ROBO1: variants seen among roughly 807,000 people sequenced by gnomAD.
The protein encoded by ROBO1 is roundabout guidance receptor 1.
A neutral mutation model predicts 195.9 loss-of-function variants in ROBO1; 149 were observed. That is an observed-to-expected ratio of 0.76 (90% CI 0.67 to 0.87). The LOEUF (loss-of-function observed/expected upper bound fraction) is 0.87, where lower values mean the gene tolerates loss of function less well. Among genes scored for constraint, ROBO1 ranks in the 40% least tolerant of loss-of-function variants. The pLI is 0.00. For synonymous variants in ROBO1, 816 were observed against 733.2 expected (o/e 1.11, Z -1.82); for missense variants, 1,933 against 2,068.3 (o/e 0.93, Z 1.27).
At chr3:79,526,737 C>A (rs557428064) in intron 2 of ROBO1, among the ~76,000 whole-genome samples, 1 of 152,200 alleles carries the variant, frequency 6.6e-6, no homozygotes, top group African/African-American at 2.4e-5. Context: ...AGTGACTTAG[C>A]TTTTTCGACT....
chr3:78,898,336 G>A (rs1009033851), intron 4 of ROBO1, among the ~76,000 whole-genome samples: 1 of 146,894 alleles, frequency 6.8e-6, no homozygotes, highest in Admixed American at 6.8e-5. Context: ...TATATATAGA[G>A]AGAGAGACAG....
chr3:79,556,509 G>A (rs1382499940), intron 2 of ROBO1, among the ~76,000 whole-genome samples: 1 of 152,012 alleles, frequency 6.6e-6, no homozygotes, highest in Non-Finnish European at 1.5e-5. Flanking sequence ...GCATAAAATT[G>A]TATGTAACCT....
At chr3:79,301,494 A>C (rs2032954653) in intron 2 of ROBO1, among the ~76,000 whole-genome samples, 1 of 152,208 alleles carries the variant, frequency 6.6e-6, no homozygotes, top group Non-Finnish European at 1.5e-5. Context: ...TAACAATTTG[A>C]AATTCTAGGT....
intron 3 of ROBO1, among the ~76,000 whole-genome samples, chr3:79,065,834 A>G (rs2078994572): frequency 6.6e-6 from 1 of 152,028 alleles, no homozygotes; most frequent in Non-Finnish European, 1.5e-5. Context: ...AAACTAAAAC[A>G]CAGCAAAATT....
chr3:79,129,912 T>G (rs1576713256), intron 2 of ROBO1, among the ~76,000 whole-genome samples: 3 of 140,212 alleles, frequency 2.1e-5, no homozygotes, highest in South Asian at 2.5e-4. Context: ...TAGCCAGTTT[T>G]CCCAGCACCA....
chr3:79,721,337 G>C (rs12493800), intron 1 of ROBO1, among the ~76,000 whole-genome samples: 1 of 151,664 alleles, frequency 6.6e-6, no homozygotes, highest in South Asian at 2.1e-4. Flanking sequence ...AACTTTGATG[G>C]AAACTATGAG....
At chr3:78,836,881 G>A (rs1349312300) in intron 4 of ROBO1, among the ~76,000 whole-genome samples, 1 of 152,060 alleles carries the variant, frequency 6.6e-6, no homozygotes. Flanking sequence ...TAAAAGAAAG[G>A]GGAAGCACAG....
chr3:79,675,888 C>T (rs1285188848), intron 1 of ROBO1, among the ~76,000 whole-genome samples: 3 of 152,042 alleles, frequency 2.0e-5, no homozygotes, highest in African/African-American at 7.2e-5. Context: ...CAGTTAATTT[C>T]CAGCAGATCA....
intron 3 of ROBO1, among the ~76,000 whole-genome samples, chr3:79,034,419 C>A (rs1446991550): frequency 6.6e-6 from 1 of 151,904 alleles, no homozygotes; most frequent in Non-Finnish European, 1.5e-5. Context: ...TTTTTATGAC[C>A]CTTTGTAGTC....
At chr3:78,957,659 T>C (rs945625552) in intron 3 of ROBO1, among the ~76,000 whole-genome samples, 3 of 152,188 alleles carry the variant, frequency 2.0e-5, no homozygotes, top group African/African-American at 7.2e-5. Context: ...TGCTCAGTCA[T>C]GCCCTGTGTG....
At chr3:78,913,751 C>A (rs2038393976) in intron 4 of ROBO1, among the ~76,000 whole-genome samples, 2 of 151,914 alleles carry the variant, frequency 1.3e-5, no homozygotes, top group South Asian at 2.1e-4. Context: ...TAAAGAGAAG[C>A]AAGTAGAGAT....
intron 4 of ROBO1, among the ~76,000 whole-genome samples, chr3:78,823,541 G>A (rs2031252375): frequency 6.6e-6 from 1 of 152,162 alleles, no homozygotes; most frequent in African/African-American, 2.4e-5. Context: ...ATATACGTGT[G>A]GCGGAAAGCA....
At chr3:79,281,372 A>G (rs970310730) in intron 2 of ROBO1, among the ~76,000 whole-genome samples, 1 of 152,172 alleles carries the variant, frequency 6.6e-6, no homozygotes, top group East Asian at 1.9e-4. Context: ...TGTGCAGGTT[A>G]GTCACATATG....
At chr3:78,881,486 A>G (rs1189657256) in intron 4 of ROBO1, among the ~76,000 whole-genome samples, 1 of 152,232 alleles carries the variant, frequency 6.6e-6, no homozygotes. Flanking sequence ...AACAGCAACA[A>G]TTAAAAGCAT....
At chr3:79,743,361 G>A (rs1438707279) in intron 1 of ROBO1, among the ~76,000 whole-genome samples, 1 of 152,144 alleles carries the variant, frequency 6.6e-6, no homozygotes, top group Non-Finnish European at 1.5e-5. Flanking sequence ...GTAAAAACAT[G>A]TTATACATTT....
At chr3:78,891,073 G>A (rs1329455427) in intron 4 of ROBO1, among the ~76,000 whole-genome samples, 1 of 152,104 alleles carries the variant, frequency 6.6e-6, no homozygotes, top group Non-Finnish European at 1.5e-5. Context: ...AAGAATGTTA[G>A]GAGAAAACAA....
intron 4 of ROBO1, among the ~76,000 whole-genome samples, chr3:78,774,042 C>T (rs148976200): frequency 6.6e-6 from 1 of 152,298 alleles, no homozygotes; most frequent in African/African-American, 2.4e-5. Context: ...CCTTTTCTTA[C>T]TCATTTTCTA....
intron 20 of ROBO1, among the ~76,000 whole-genome samples, chr3:78,647,409 G>C (rs1283924684): frequency 6.6e-6 from 1 of 152,048 alleles, no homozygotes; most frequent in Non-Finnish European, 1.5e-5. Flanking sequence ...CCAAGATCCA[G>C]TGTGGAATTG....
At chr3:79,043,820 A>T (rs545331966) in intron 3 of ROBO1, among the ~76,000 whole-genome samples, 1 of 152,218 alleles carries the variant, frequency 6.6e-6, no homozygotes, top group African/African-American at 2.4e-5. Context: ...GCAAGGTAAT[A>T]TTTTCAGGGC....
Sources: allele counts gnomAD v4.1 joint callset (sites outside exome capture counted in the v4.1 genomes callset), GRCh38; gene constraint gnomAD v4.1.1; transcripts MANE v1.5; gene names NCBI Gene and HGNC (gene_info 2026-07-23, HGNC 2026-07-21).